The following MACROD2 variants were observed in gnomAD, a reference collection of about 807,000 sequenced individuals.
MACROD2 encodes mono-ADP ribosylhydrolase 2, also known as ADP-ribose glycohydrolase MACROD2.
A neutral mutation model predicts 70.4 loss-of-function variants in MACROD2; 36 were observed. That is an observed-to-expected ratio of 0.51 (90% CI 0.39 to 0.68). The LOEUF is 0.68. Ranked by LOEUF, MACROD2 falls within the 30% of genes least tolerant of loss-of-function variation. MACROD2 has a pLI of 0.00. For synonymous variants in MACROD2, 172 were observed against 178.8 expected, an observed-to-expected ratio of 0.96 and a Z score of 0.30; for missense variants, 496 against 538.4, an observed-to-expected ratio of 0.92 and a Z score of 0.78.
chr20:14,349,246 A>G (rs1011213871), intron 3 of MACROD2, among the ~76,000 whole-genome samples: 2 of 120,644 alleles, frequency 1.7e-5, no homozygotes, highest in African/African-American at 6.4e-5. Context: ...TTTATAACTT[A>G]TTTGTTTTTT....
chr20:14,822,553 T>C (rs973620385), intron 5 of MACROD2, among the ~76,000 whole-genome samples: 1 of 152,122 alleles, frequency 6.6e-6, no homozygotes, highest in African/African-American at 2.4e-5. Flanking sequence ...TTTTCAATAG[T>C]TATTAGGAAA....
At chr20:15,779,055 A>AACAATGATAATTC (rs1357706047) in intron 8 of MACROD2, among the ~76,000 whole-genome samples, 19 of 152,120 alleles carry the variant, frequency 1.2e-4, no homozygotes, top group Non-Finnish European at 2.6e-4. Context: ...CACAGAGACT[A>AACAATGATAATTC]ACAATGATAA....
intron 8 of MACROD2, among the ~76,000 whole-genome samples, chr20:15,712,267 T>G (rs1292418550): frequency 6.6e-6 from 1 of 152,202 alleles, no homozygotes; most frequent in East Asian, 1.9e-4. Context: ...GTGTTGTGCA[T>G]AAAAAAGCAG....
intron 5 of MACROD2, among the ~76,000 whole-genome samples, chr20:14,795,736 C>T (rs1418687971): frequency 1.3e-5 from 2 of 151,948 alleles, no homozygotes; most frequent in African/African-American, 4.8e-5. Flanking sequence ...AACCATGTAT[C>T]TGGATATGTT....
At chr20:14,282,670 G>T (rs998096202) in intron 3 of MACROD2, among the ~76,000 whole-genome samples, 4 of 152,124 alleles carry the variant, frequency 2.6e-5, no homozygotes, top group Admixed American at 2.0e-4. Flanking sequence ...CGTGGTGCTG[G>T]CACTCAACTT....
At chr20:15,263,046 G>T (rs925664295) in intron 6 of MACROD2, among the ~76,000 whole-genome samples, 1 of 151,968 alleles carries the variant, frequency 6.6e-6, no homozygotes, top group Non-Finnish European at 1.5e-5. Flanking sequence ...TTAATTTGAT[G>T]TGCTTCTATT....
At chr20:15,985,266 A>T (rs965376549) in intron 13 of MACROD2, among the ~76,000 whole-genome samples, 1 of 152,136 alleles carries the variant, frequency 6.6e-6, no homozygotes, top group Non-Finnish European at 1.5e-5. Context: ...TCACCACAAG[A>T]CAAAGAACGG....
At chr20:15,976,135 A>G (rs1203692795) in intron 13 of MACROD2, among the ~76,000 whole-genome samples, 1 of 152,222 alleles carries the variant, frequency 6.6e-6, no homozygotes, top group Non-Finnish European at 1.5e-5. Context: ...TATTGTTCAG[A>G]AACAGTCCAT....
chr20:15,191,870 A>T (rs1023494917), intron 5 of MACROD2, among the ~76,000 whole-genome samples: 1 of 152,034 alleles, frequency 6.6e-6, no homozygotes, highest in Non-Finnish European at 1.5e-5. Context: ...TTTAAGTTAT[A>T]TAACAACAAC....
intron 3 of MACROD2, among the ~76,000 whole-genome samples, chr20:14,297,660 G>A (rs1031572941): frequency 1.9e-4 from 29 of 152,076 alleles, no homozygotes; most frequent in Admixed American, 6.5e-4. Context: ...GAGGTTTATG[G>A]AAAGAAGCCA....
At chr20:15,142,907 A>G (rs2076203047) in intron 5 of MACROD2, among the ~76,000 whole-genome samples, 1 of 152,062 alleles carries the variant, frequency 6.6e-6, no homozygotes, top group Non-Finnish European at 1.5e-5. Flanking sequence ...AATCCAGTCT[A>G]TCATTGATGG....
Position 14,239,021 on chromosome 20 carries a change from C to T in MACROD2, c.271+153293C>T, listed in dbSNP as rs375422591. Among the ~76,000 whole-genome samples the T allele has an allele frequency of 1.0e-3, 69 of 66,300 alleles. 1 individual carries two copies. Among genetic ancestry groups the T allele is most frequent in the South Asian group, 5.3e-3 (8 of 1,500 alleles). 43.5% of individuals were successfully genotyped at this position (66,300 alleles called of 152,430 possible). On this transcript the variant is annotated intron_variant, in intron 3 of 17. Transcript: ENST00000684519. ...CAGCCTGGGCGACAGAGTGAGACTC[C>T]GTCTCAAAAAAAAAAAAAAAAAAAA...
chr20:13,995,785 A>G lies in MACROD2; in HGVS notation c.22A>G (p.Lys8Glu), dbSNP rs781520542. 3 of 1,611,272 alleles carry G rather than the reference A, an allele frequency of 1.9e-6. No individual in the cohort carries two copies. The highest frequency in any genetic ancestry group is 2.5e-6 in the Non-Finnish European group (3 of 1,178,604). The change falls in exon 1 of 18, where the codon AAA becomes GAA. Residue 8 changes from lysine (K) to glutamate (E), a missense_variant. Lys to Glu is a moderately conservative substitution (Grantham distance 56). Transcript: ENST00000684519. The surrounding 1 kb of genome is among the most constrained non-coding windows in gnomAD (Gnocchi z 4.3). MYPSNKK[K>E]KVWREEKERL... ...CAACATGTACCCCAGCAACAAGAAG[A>G]AAAAGGTGTGGAGAGAGGAGAAAGG... is the stretch of plus-strand genomic sequence containing the variant.
intron 5 of MACROD2, among the ~76,000 whole-genome samples, chr20:14,801,706 T>A (rs1252908315): frequency 6.6e-6 from 1 of 152,080 alleles, no homozygotes; most frequent in Non-Finnish European, 1.5e-5. Flanking sequence ...GGTTACTGTT[T>A]TGGCTTCATC....
intron 5 of MACROD2, among the ~76,000 whole-genome samples, chr20:14,759,802 T>C (rs564694105): frequency 3.5e-4 from 53 of 152,228 alleles, no homozygotes; most frequent in African/African-American, 1.2e-3. Context: ...GGAGGATTTA[T>C]TGTACTGTGT....
intron 5 of MACROD2, among the ~76,000 whole-genome samples, chr20:15,145,494 T>C (rs940322832): frequency 5.3e-5 from 8 of 152,172 alleles, no homozygotes; most frequent in Admixed American, 6.5e-5. Context: ...TCTGAACCCT[T>C]CTTTTCTGGG....
intron 3 of MACROD2, among the ~76,000 whole-genome samples, chr20:14,103,627 G>T (rs964463486): frequency 2.0e-5 from 3 of 152,102 alleles, no homozygotes; most frequent in African/African-American, 7.2e-5. Context: ...TTAAAGTTCA[G>T]TGTTTATGCT....
intron 5 of MACROD2, among the ~76,000 whole-genome samples, chr20:15,224,599 T>C (rs189391274): frequency 6.6e-6 from 1 of 152,328 alleles, no homozygotes; most frequent in East Asian, 1.9e-4. Context: ...TATTCAAAAT[T>C]CTTTGGTTGT....
At chr20:15,386,308 G>A (rs1024118414) in intron 6 of MACROD2, among the ~76,000 whole-genome samples, 4 of 152,110 alleles carry the variant, frequency 2.6e-5, no homozygotes, top group East Asian at 1.9e-4. Context: ...GCTCGTTTTC[G>A]TCTATATTCA....
Sources: gnomAD v4.1 joint callset for allele counts (sites outside exome capture counted in the v4.1 genomes callset) on GRCh38, gnomAD v4.1.1 for gene constraint, Gnocchi (gnomAD v3.1) non-coding constraint, MANE v1.5 for transcripts, NCBI Gene and HGNC (gene_info 2026-07-23, HGNC 2026-07-21) for gene names.